Variants in POLI observed in about 807,000 individuals in gnomAD.
POLI encodes RAD30 homolog B.
In POLI, 58 loss-of-function variants were observed where a neutral mutation model predicts 51.6. That is an observed-to-expected ratio of 1.12 (90% CI 0.91 to 1.40). The LOEUF (loss-of-function observed/expected upper bound fraction) is 1.40, where lower values mean the gene tolerates loss of function less well. POLI is among the 40% of genes most tolerant of loss of function. The probability of loss-of-function intolerance (pLI) is 0.00; values close to 1 mark genes in which losing one functional copy is unlikely to be tolerated. For missense variants in POLI, 921 were observed against 871.3 expected (o/e 1.06, Z -0.72); for synonymous variants, 322 against 299.7 (o/e 1.07, Z -0.77).
chr18:54,274,980 A>G (rs2087173878), intron 3 of POLI: 1 of 152,234 alleles, frequency 6.6e-6, no homozygotes. Context: ...TCTAACAATT[A>G]TAGGGAAAAA....
chr18:54,320,865 AAATAATAATACAT>A (rs2144657081), intron 4 of POLI, among the ~76,000 whole-genome samples: 1 of 152,184 alleles, frequency 6.6e-6, no homozygotes, highest in South Asian at 2.1e-4. Context: ...CAGTTTTGAA[AAATAATAATACAT>A]AATAATAATA....
At position 54,287,342 on chromosome 18, in the gene POLI, G is replaced by C; in HGVS notation, c.1129G>C (p.Glu377Gln). 1 of 1,596,968 alleles carries C rather than the reference G, an allele frequency of 6.3e-7. No individual in the cohort carries two copies. The highest frequency in any genetic ancestry group is 8.6e-7 in the Non-Finnish European group (1 of 1,168,472). The part of the protein sequence containing the change: ...VRLIIRRYSS[E>Q]KHYGRESRQC... ...ATTAATAATCCGTCGGTATTCCTCT[G>C]AGAAGCACTATGGTCGTGAGAGTCG... The change falls in exon 8 of 10, where the codon GAG becomes CAG. Residue 377 changes from glutamate (E) to glutamine (Q), a missense_variant. Glu to Gln is a conservative substitution (Grantham distance 29, BLOSUM62 2). Transcript: ENST00000579534.
chr18:54,294,013 G>C lies in POLI; in HGVS notation c.1769G>C (p.Ser590Thr). 6.2e-7 allele frequency: 1 copy of C among 1,613,544 alleles called. No individual in the cohort carries two copies. Residue 590 changes from serine (S) to threonine (T), a missense_variant, in exon 10 of 10, where the codon AGT becomes ACT. Transcript: ENST00000579534. ...IPINPRDHLSSSKQVSSVSPC... is the reference protein window; with the variant it reads ...IPINPRDHLSTSKQVSSVSPC... ...ATAAATCCTAGAGATCATTTATCCA[G>C]TAGCAAACAGGTATCCTCTGTATCT...
At position 54,293,644 on chromosome 18, in the gene POLI, T is replaced by G. The variant is rs1163417243; in HGVS notation, c.1405-5T>G. The G allele has an allele frequency of 6.5e-7, 1 of 1,539,632 alleles. No individual in the cohort carries two copies. Among genetic ancestry groups the G allele is most frequent in the South Asian group, 1.3e-5 (1 of 78,158 alleles). On this transcript the variant is annotated splice_region_variant and splice_polypyrimidine_tract_variant and intron_variant, in intron 9 of 9. Coordinates refer to ENST00000579534, the MANE Select transcript of POLI (RefSeq NM_007195.3). The stretch of plus-strand genomic sequence containing the variant: ...GTAAATTAGTCTGTTATTCTTGTGT[T>G]CTAGAAAATGAAAGACACTCATATG...
chr18:54,319,702 G>A (rs1286803014), intron 3 of POLI, among the ~76,000 whole-genome samples: 3 of 152,098 alleles, frequency 2.0e-5, no homozygotes, highest in South Asian at 2.1e-4. Flanking sequence ...AGAAGTAATC[G>A]AAGTGACAAA....
chr18:54,279,236 C>G lies in POLI; in HGVS notation c.559+1381C>G, dbSNP rs371897790. 4.0e-5 allele frequency among the ~76,000 whole-genome samples: 5 copies of G among 126,286 alleles called. No individual in the cohort carries two copies. In the East Asian group the frequency reaches 1.0e-3, roughly 26 times the overall value. The allele number at this position is 126,286 out of a possible 152,430, so 82.8% of individuals were successfully genotyped here. On this transcript the variant is annotated intron_variant, in intron 4 of 9. Transcript: ENST00000579534. Reference sequence around the variant, plus strand: ...ATAGTACAAAAAATACCCATTATGTCTTTTCTTTTTTTTTTTTTTTTTTTG... The same window carrying G: ...ATAGTACAAAAAATACCCATTATGTGTTTTCTTTTTTTTTTTTTTTTTTTG...
chr18:54,293,926 C>A lies in POLI; in HGVS notation c.1682C>A (p.Pro561Gln). The A allele has an allele frequency of 4.3e-6, 7 of 1,612,726 alleles. No homozygotes were observed. Among genetic ancestry groups the A allele is most frequent in the Non-Finnish European group, 5.9e-6 (7 of 1,179,004 alleles). ...CAAGGGAAAGGAAGTGTGAGTTGTC[C>A]ATTACATGCCTCTAGAGGAGTATTA... ...KFQGKGSVSCPLHASRGVLSF... is the reference protein window; with the variant it reads ...KFQGKGSVSCQLHASRGVLSF... Residue 561 changes from proline (P) to glutamine (Q), a missense_variant, in exon 10 of 10, where the codon CCA (proline) becomes CAA (glutamine). By Grantham distance (76) the Pro-to-Gln change is moderately conservative. Coordinates refer to ENST00000579534, the MANE Select transcript of POLI (RefSeq NM_007195.3).
chr18:54,272,653 TAG>T, intron 2 of POLI, among the ~76,000 whole-genome samples: 1 of 150,860 alleles, frequency 6.6e-6, no homozygotes, highest in Non-Finnish European at 1.5e-5. Context: ...TTTGTATTTT[TAG>T]TAGAGACGGT....
Position 54,297,720 on chromosome 18 carries a change from A to G in POLI, c.*3253A>G. On this transcript the variant is annotated 3_prime_UTR_variant, in exon 10 of 10. Coordinates refer to ENST00000579534, the MANE Select transcript of POLI (RefSeq NM_007195.3). The stretch of plus-strand genomic sequence containing the variant: ...CCTTTTGATTATCCTTAAACATCTA[A>G]AAATGCTACCCTCTTTCCAAACAAC... 1 of 971,222 alleles carries G rather than the reference A, an allele frequency of 1.0e-6. No homozygotes were observed. Among genetic ancestry groups the G allele is most frequent in the Non-Finnish European group, 1.2e-6 (1 of 816,998 alleles). 60.2% of individuals were successfully genotyped at this position (971,222 alleles called of 1,614,324 possible).
chr18:54,299,818 G>A (rs1279810294), downstream of POLI, among the ~76,000 whole-genome samples: 2 of 152,120 alleles, frequency 1.3e-5, no homozygotes, highest in Non-Finnish European at 2.9e-5. Context: ...ACTATACCAA[G>A]GAGTAACCTA....
intron 3 of POLI, among the ~76,000 whole-genome samples, chr18:54,316,480 T>C (rs1364477756): frequency 6.6e-6 from 1 of 152,212 alleles, no homozygotes; most frequent in East Asian, 1.9e-4. Context: ...TACAAATTAT[T>C]GAGAGAGTGG....
rs761661193 is a variant in POLI, at chr18:54,280,849, C to T, written c.742C>T (p.Pro248Ser). The change falls in exon 5 of 10, where the codon CCT (proline) becomes TCT (serine). Residue 248 changes from proline to serine, a missense_variant. Transcript: ENST00000579534. Reference sequence around the variant, plus strand: ...ACCAAATCAACAAACAGTCTTATTACCTGAAAGTTGTCAACATCTTATTCA... The same window carrying T: ...ACCAAATCAACAAACAGTCTTATTATCTGAAAGTTGTCAACATCTTATTCA... The part of the protein sequence containing the change: ...FKPNQQTVLL[P>S]ESCQHLIHSL... 2.5e-6 allele frequency: 4 copies of T among 1,613,044 alleles called. No individual in the cohort carries two copies. The East Asian group carries it at 8.9e-5, about 36-fold the overall frequency.
At chr18:54,312,847 A>G (rs1299565648) in intron 3 of POLI, among the ~76,000 whole-genome samples, 1 of 152,080 alleles carries the variant, frequency 6.6e-6, no homozygotes, top group Non-Finnish European at 1.5e-5. Context: ...GATCCTGGAT[A>G]TTAGGCCTTT....
chr18:54,294,423 G>C lies in POLI; in HGVS notation c.2179G>C (p.Glu727Gln). The change falls in exon 10 of 10, where the codon GAG becomes CAG. Residue 727 changes from glutamate to glutamine, a missense_variant. Transcript: ENST00000579534. ...PEAVQKELLA[E>Q]WKRAGSDFHI... ...AGCAGTACAAAAGGAACTGCTGGCA[G>C]AGTGGAAGAGAGCAGGATCAGATTT... 6.2e-7 allele frequency: 1 copy of C among 1,611,300 alleles called. No homozygotes were observed. The highest frequency in any genetic ancestry group is 8.5e-7 in the Non-Finnish European group (1 of 1,178,790).
intron 4 of POLI, among the ~76,000 whole-genome samples, chr18:54,320,645 G>A (rs2088778894): frequency 6.6e-6 from 1 of 150,828 alleles, no homozygotes; most frequent in Admixed American, 6.6e-5. Context: ...TCTTTACTAA[G>A]GAAATTGCTT....
At chr18:54,307,257 T>G (rs1474455564) in intron 3 of POLI, among the ~76,000 whole-genome samples, 2 of 152,240 alleles carry the variant, frequency 1.3e-5, no homozygotes, top group Non-Finnish European at 2.9e-5. Flanking sequence ...ATAGACACAC[T>G]GCTTTAAATA....
At chr18:54,276,799 C>T (rs546471404) in intron 3 of POLI, among the ~76,000 whole-genome samples, 5 of 152,110 alleles carry the variant, frequency 3.3e-5, no homozygotes, top group African/African-American at 9.7e-5. Context: ...CAAAAAAGCA[C>T]CTTTGGTGTT....
chr18:54,294,525 G>A lies in POLI; in HGVS notation c.*58G>A, dbSNP rs2088204363. The A allele has an allele frequency of 6.7e-7, 1 of 1,501,586 alleles. No homozygotes were observed. Among genetic ancestry groups the A allele is most frequent in the South Asian group, 1.4e-5 (1 of 71,184 alleles). The allele number at this position is 1,501,586 out of a possible 1,614,324, so 93.0% of individuals were successfully genotyped here. On this transcript the variant is annotated 3_prime_UTR_variant, in exon 10 of 10. Coordinates refer to ENST00000579534, the MANE Select transcript of POLI (RefSeq NM_007195.3). ...GAATACCATTATTTTCGGATTAGCG[G>A]TTTATTAAGCTCTTCTATATTAAAC...
Position 54,269,578 on chromosome 18 carries a change from AAGG to A in POLI, c.33_35del (p.Glu11_Gly12delinsAsp). 1 of 1,430,802 alleles carries A rather than the reference AAGG, an allele frequency of 7.0e-7. No individual in the cohort carries two copies. The highest frequency in any genetic ancestry group is 9.0e-7 in the Non-Finnish European group (1 of 1,105,030). 88.6% of individuals were successfully genotyped at this position (1,430,802 alleles called of 1,614,324 possible). On this transcript the variant is annotated inframe_deletion, in exon 1 of 10. Transcript: ENST00000579534. ...AAGCTGGGGGTGGAGCCGGAGGAGG[AAGG>A]CGGCGGCGACGACGACGAGGAAGAC... is the stretch of plus-strand genomic sequence containing the variant.
Sources: gnomAD v4.1 joint callset for allele counts (sites outside exome capture counted in the v4.1 genomes callset) on GRCh38, gnomAD v4.1.1 for gene constraint, MANE v1.5 for transcripts, NCBI Gene and HGNC (gene_info 2026-07-23, HGNC 2026-07-21) for gene names.